RAB20: variants seen among roughly 807,000 people sequenced by gnomAD.
The protein encoded by RAB20 is RAB20, member RAS oncogene family, also known as ras-related protein Rab-20.
RAB20 carries 2 observed loss-of-function variants against 3.7 expected under a neutral mutation model. The ratio of observed to expected loss-of-function variants is 0.54; its 90% CI spans 0.22 to 1.69. The LOEUF is 1.69. Ranked by LOEUF, RAB20 falls within the 40% of genes most tolerant of loss-of-function variation. RAB20 has a pLI of 0.19. For missense variants in RAB20, 276 were observed against 311.9 expected (o/e 0.88, Z 0.87); for synonymous variants, 126 against 130.8 (o/e 0.96, Z 0.25).
At chr13:110,553,307 C>G (rs1884987842) in intron 1 of RAB20, among the ~76,000 whole-genome samples, 1 of 152,186 alleles carries the variant, frequency 6.6e-6, no homozygotes, top group African/African-American at 2.4e-5. Context: ...TAGCTCAGTA[C>G]ACACACACAG....
intron 1 of RAB20, among the ~76,000 whole-genome samples, chr13:110,539,073 G>A (rs954181918): frequency 1.1e-4 from 16 of 152,310 alleles, no homozygotes; most frequent in African/African-American, 3.8e-4. Flanking sequence ...AGGAAGAAAG[G>A]AGGCGATTAG....
At chr13:110,534,017 T>C (rs898748273) in intron 1 of RAB20, among the ~76,000 whole-genome samples, 1 of 152,100 alleles carries the variant, frequency 6.6e-6, no homozygotes, top group Admixed American at 6.5e-5. Context: ...CCCACCGTGA[T>C]GGGGAACTGT....
chr13:110,550,182 GGGCACCCCAACTCTGT>G (rs1313135254), intron 1 of RAB20, among the ~76,000 whole-genome samples: 1 of 152,122 alleles, frequency 6.6e-6, no homozygotes, highest in Non-Finnish European at 1.5e-5. Context: ...CATGCCACAA[GGGCACCCCAACTCTGT>G]GGCACCCCAA....
rs189641854 is a variant in RAB20, at chr13:110,554,595, C to T, written c.172+6753G>A. 9.8e-5 allele frequency among the ~76,000 whole-genome samples: 15 copies of T among 152,344 alleles called. No homozygotes were observed. In the East Asian group the frequency reaches 2.9e-3, roughly 29 times the overall value. ...CTAACTTCACGGGAACGAGCACTTA[C>T]ATTCTCCCTCCTCCAGGCCCAAGAT... On this transcript the variant is annotated intron_variant, in intron 1 of 1. Transcript: ENST00000267328.
intron 1 of RAB20, among the ~76,000 whole-genome samples, chr13:110,527,969 G>A (rs927985128): frequency 3.3e-5 from 5 of 150,106 alleles, no homozygotes; most frequent in Non-Finnish European, 7.4e-5. Context: ...CAGGCATGGT[G>A]ACGCATGCCT....
Position 110,561,578 on chromosome 13 carries a change from C to T in RAB20, c.-59G>A. ...TCTCCCCGAGGCTGGCCGGCTCGTG[C>T]GCCCTGGGCGCAGCTGGAGGAGCGG... On this transcript the variant is annotated 5_prime_UTR_variant, in exon 1 of 2. Transcript: ENST00000267328. 3.3e-6 allele frequency: 5 copies of T among 1,497,224 alleles called. No individual in the cohort carries two copies. Among genetic ancestry groups the T allele is most frequent in the Non-Finnish European group, 4.4e-6 (5 of 1,125,896 alleles). The allele number at this position is 1,497,224 out of a possible 1,614,324, so 92.7% of individuals were successfully genotyped here.
At chr13:110,537,305 C>T (rs965077213) in intron 1 of RAB20, among the ~76,000 whole-genome samples, 6 of 151,832 alleles carry the variant, frequency 4.0e-5, no homozygotes, top group African/African-American at 1.2e-4. Context: ...CTACCACGCC[C>T]GGCCGCTTTA....
At chr13:110,535,815 A>T (rs550360513) in intron 1 of RAB20, among the ~76,000 whole-genome samples, 2 of 152,378 alleles carry the variant, frequency 1.3e-5, no homozygotes, top group South Asian at 4.1e-4. Flanking sequence ...AGGCCTTCCA[A>T]CACAGAAATG....
Position 110,555,967 on chromosome 13 carries a change from T to C in RAB20, c.172+5381A>G, listed in dbSNP as rs938928808. ...ACAGGCACCCAAGGCCAGGAGACAA[T>C]GTTTGTTTAGCAAAACTCACATGGT... On this transcript the variant is annotated intron_variant, in intron 1 of 1. Coordinates refer to ENST00000267328, the MANE Select transcript of RAB20 (RefSeq NM_017817.3). This position sits in a 1 kb window ranked among gnomAD's most constrained non-coding sequence, Gnocchi z 4.0. Among the ~76,000 whole-genome samples the C allele has an allele frequency of 2.6e-5, 4 of 152,302 alleles. No individual in the cohort carries two copies. The highest frequency in any genetic ancestry group is 7.2e-5 in the African/African-American group (3 of 41,566).
At chr13:110,537,227 G>C (rs985191272) in intron 1 of RAB20, among the ~76,000 whole-genome samples, 1 of 151,416 alleles carries the variant, frequency 6.6e-6, no homozygotes, top group Non-Finnish European at 1.5e-5. Context: ...GAACTCCTGC[G>C]CTCAAGCAGT....
At chr13:110,528,855 GC>G in intron 1 of RAB20, among the ~76,000 whole-genome samples, 1 of 152,218 alleles carries the variant, frequency 6.6e-6, no homozygotes, top group South Asian at 2.1e-4. Flanking sequence ...AAGAATTGTT[GC>G]TTGAACCCTA....
intron 1 of RAB20, among the ~76,000 whole-genome samples, chr13:110,525,850 G>A (rs1884420570): frequency 6.6e-6 from 1 of 152,234 alleles, no homozygotes; most frequent in Non-Finnish European, 1.5e-5. Context: ...CCTGCCTCTC[G>A]AGGACCGAGC....
At chr13:110,558,398 T>TTC (rs60872939) in intron 1 of RAB20, among the ~76,000 whole-genome samples, 26,917 of 145,304 alleles carry the variant, frequency 0.19, 2,708 homozygotes, top group Non-Finnish European at 0.23. Context: ...TTTTTTTTTT[T>TTC]TTGAGACAGA....
chr13:110,546,112 C>T (rs11617401), intron 1 of RAB20, among the ~76,000 whole-genome samples: 12,390 of 152,156 alleles, frequency 0.081, 668 homozygotes, highest in Non-Finnish European at 0.11. Context: ...AAGCCTCAGC[C>T]ATTTAATCCT....
At chr13:110,531,909 C>G (rs2025905) in intron 1 of RAB20, among the ~76,000 whole-genome samples, 41,417 of 152,096 alleles carry the variant, frequency 0.27, 6,034 homozygotes, top group Admixed American at 0.31. Context: ...GAAGTCAGCA[C>G]CCACAGTAAT....
At chr13:110,551,307 A>G (rs544477907) in intron 1 of RAB20, among the ~76,000 whole-genome samples, 1 of 152,340 alleles carries the variant, frequency 6.6e-6, no homozygotes, top group Non-Finnish European at 1.5e-5. Context: ...AAGACCAAGA[A>G]ATGCTTCACT....
chr13:110,553,848 G>C (rs554209126), intron 1 of RAB20, among the ~76,000 whole-genome samples: 11 of 152,360 alleles, frequency 7.2e-5, no homozygotes, highest in Middle Eastern at 3.4e-3. Context: ...GGGCGCAGTG[G>C]CTCATGCCTG....
chr13:110,537,012 C>T (rs1204089993), intron 1 of RAB20, among the ~76,000 whole-genome samples: 4 of 135,474 alleles, frequency 3.0e-5, no homozygotes, highest in African/African-American at 5.6e-5. Context: ...GACAGGGTCT[C>T]GCTCTGTCAC....
In RAB20 at chr13:110,561,579, G is replaced by A. The variant is rs567857501; in HGVS notation, c.-60C>T. 2 of 1,497,956 alleles carry A rather than the reference G, an allele frequency of 1.3e-6. No homozygotes were observed. The highest frequency in any genetic ancestry group is 2.9e-5 in the African/African-American group (2 of 68,354). The allele number at this position is 1,497,956 out of a possible 1,614,324, so 92.8% of individuals were successfully genotyped here. On this transcript the variant is annotated 5_prime_UTR_variant, in exon 1 of 2. Coordinates refer to ENST00000267328, the MANE Select transcript of RAB20 (RefSeq NM_017817.3). The stretch of plus-strand genomic sequence containing the variant: ...CTCCCCGAGGCTGGCCGGCTCGTGC[G>A]CCCTGGGCGCAGCTGGAGGAGCGGA...
Sources: allele counts gnomAD v4.1 joint callset (sites outside exome capture counted in the v4.1 genomes callset), GRCh38; gene constraint gnomAD v4.1.1; non-coding constraint Gnocchi (gnomAD v3.1); transcripts MANE v1.5; gene names NCBI Gene and HGNC (gene_info 2026-07-23, HGNC 2026-07-21).